Variants in PTPRM observed in about 807,000 individuals in gnomAD.
The protein encoded by PTPRM is protein tyrosine phosphatase receptor type M.
A neutral mutation model predicts 186.7 loss-of-function variants in PTPRM; 47 were observed. The ratio of observed to expected loss-of-function variants is 0.25; its 90% CI spans 0.20 to 0.32. The LOEUF (loss-of-function observed/expected upper bound fraction) is 0.32. Among genes scored for constraint, PTPRM ranks in the 10% least tolerant of loss-of-function variants. PTPRM has a pLI of 1.00. For synonymous variants in PTPRM, 668 were observed against 674.9 expected (o/e 0.99, Z 0.16); for missense variants, 1,494 against 1,865.0 (o/e 0.80, Z 3.66).
chr18:7,952,941 G>A (rs2053069148), intron 6 of PTPRM, among the ~76,000 whole-genome samples: 2 of 152,272 alleles, frequency 1.3e-5, no homozygotes, highest in South Asian at 4.1e-4. Flanking sequence ...GGGAGGCGGA[G>A]GCTGCAGTGA....
intron 11 of PTPRM, 115 bp from the exon 12 acceptor site, chr18:8,113,371 G>T: frequency 1.1e-6 from 1 of 923,916 alleles, no homozygotes; most frequent in East Asian, 2.4e-5. Flanking sequence ...ACTTAGTATG[G>T]ACTGCGTCCA....
intron 2 of PTPRM, among the ~76,000 whole-genome samples, chr18:7,850,311 T>C (rs560258565): frequency 6.6e-6 from 1 of 152,356 alleles, no homozygotes; most frequent in Non-Finnish European, 1.5e-5. Context: ...TAATGGTTAA[T>C]GTGCTTGTTT....
intron 2 of PTPRM, among the ~76,000 whole-genome samples, chr18:7,845,436 A>C (rs905059171): frequency 2.0e-5 from 3 of 152,292 alleles, no homozygotes; most frequent in African/African-American, 7.2e-5. Flanking sequence ...GAAGCAGTGT[A>C]ACCATACTAG....
intron 32 of PTPRM, 54 bp downstream of exon 32, chr18:8,394,665 C>A: frequency 6.8e-7 from 1 of 1,474,308 alleles, no homozygotes; most frequent in East Asian, 2.5e-5. Context: ...CATTAGAATC[C>A]ACTCCAGCTC....
intron 20 of PTPRM, among the ~76,000 whole-genome samples, chr18:8,309,495 A>G (rs1456270931): frequency 6.6e-6 from 1 of 152,128 alleles, no homozygotes; most frequent in Non-Finnish European, 1.5e-5. Flanking sequence ...AGATGAATAT[A>G]AGACACAGCT....
At position 7,767,220 on chromosome 18, in the gene PTPRM, A is replaced by G. The variant is rs137999830; in HGVS notation, c.74-6929A>G. On this transcript the variant is annotated intron_variant, in intron 1 of 32. Coordinates refer to ENST00000580170, the MANE Select transcript of PTPRM (RefSeq NM_001105244.2). The stretch of plus-strand genomic sequence containing the variant: ...TCTCACCCCAAAACCTTAAGAATAC[A>G]AGTAGCAATCTTGAAGGATCTTGAA... Among the ~76,000 whole-genome samples the G allele has an allele frequency of 9.6e-4, 146 of 152,326 alleles. 1 individual carries two copies. Among genetic ancestry groups the G allele is most frequent in the African/African-American group, 3.5e-3 (144 of 41,578 alleles).
intron 1 of PTPRM, among the ~76,000 whole-genome samples, chr18:7,722,450 A>G (rs1348359652): frequency 1.3e-5 from 2 of 152,202 alleles, no homozygotes; most frequent in African/African-American, 4.8e-5. Flanking sequence ...CATAAAATCC[A>G]GATGGGTCAG....
chr18:8,270,271 C>T lies in PTPRM; in HGVS notation c.2754+16857C>T, dbSNP rs757298184. 16 of 151,362 alleles carry T rather than the reference C, an allele frequency of 1.1e-4. 1 individual carries two copies. The highest frequency in any genetic ancestry group is 1.5e-5 in the Non-Finnish European group (1 of 67,768). The allele number at this position is 151,362 out of a possible 1,614,324, so 9.4% of individuals were successfully genotyped here. A position where few individuals can be genotyped will look rare whatever the true frequency, so the allele number is the denominator to read the frequency against. On this transcript the variant is annotated intron_variant, in intron 19 of 32. Transcript: ENST00000580170. ...AAAATCCTTAAGAATGAGCAAATAA[C>T]CTGATACATTTTTCCAAGGAAGATA...
rs574166904 is a variant in PTPRM at position 8,134,591 on chromosome 18, C to T, written c.2168-9056C>T. Reference sequence around the variant, plus strand: ...CCAGGATTATGTGCATGCCATTACTCTCATACATTTCAGAATTGTATTGAT... The same window carrying T: ...CCAGGATTATGTGCATGCCATTACTTTCATACATTTCAGAATTGTATTGAT... On this transcript the variant is annotated intron_variant, in intron 13 of 32. Coordinates refer to ENST00000580170, the MANE Select transcript of PTPRM (RefSeq NM_001105244.2). Among the ~76,000 whole-genome samples the T allele has an allele frequency of 7.9e-5, 12 of 152,294 alleles. No homozygotes were observed. The South Asian group carries it at 2.3e-3, about 29-fold the overall frequency.
intron 11 of PTPRM, among the ~76,000 whole-genome samples, chr18:8,105,499 T>A (rs550872626): frequency 1.3e-3 from 193 of 152,374 alleles, no homozygotes; most frequent in Middle Eastern, 0.01. Flanking sequence ...TAGATGTATT[T>A]GAGCTTTTAT....
rs141796546 is a variant in PTPRM, at chr18:7,704,376, C to T, written c.74-69773C>T. Among the ~76,000 whole-genome samples, 804 of 152,146 alleles carry T rather than the reference C, an allele frequency of 5.3e-3. 9 individuals are homozygous for T. The highest frequency in any genetic ancestry group is 0.018 in the African/African-American group (758 of 41,496). ...CTTGTTATTGGTCTATTCAGGGATT[C>T]GACTTCTTCCTGGTTTAGTCTTGGG... On this transcript the variant is annotated intron_variant, in intron 1 of 32. Coordinates refer to ENST00000580170, the MANE Select transcript of PTPRM (RefSeq NM_001105244.2).
intron 2 of PTPRM, among the ~76,000 whole-genome samples, chr18:7,857,903 C>T (rs17558693): frequency 0.021 from 3,260 of 152,098 alleles, 53 homozygotes; most frequent in Admixed American, 0.033. Context: ...ATGATGGAAC[C>T]CTGAAAAAGT....
chr18:8,371,310 G>C (rs1019239190), intron 24 of PTPRM, among the ~76,000 whole-genome samples: 1 of 152,190 alleles, frequency 6.6e-6, no homozygotes, highest in Non-Finnish European at 1.5e-5. Flanking sequence ...TTTGTTCACA[G>C]AACAAAGTTT....
intron 1 of PTPRM, among the ~76,000 whole-genome samples, chr18:7,572,481 A>G (rs182115538): frequency 6.6e-6 from 1 of 152,318 alleles, no homozygotes; most frequent in East Asian, 1.9e-4. Flanking sequence ...TATTCTAGGA[A>G]TTGTGAGGCT....
intron 7 of PTPRM, among the ~76,000 whole-genome samples, chr18:7,956,863 G>A (rs2053346054): frequency 6.6e-6 from 1 of 152,230 alleles, no homozygotes; most frequent in Non-Finnish European, 1.5e-5. Flanking sequence ...GATAGGCATT[G>A]CTTTCAAATC....
At chr18:8,381,556 G>A (rs879378275) in intron 29 of PTPRM, among the ~76,000 whole-genome samples, 8 of 152,180 alleles carry the variant, frequency 5.3e-5, no homozygotes, top group Non-Finnish European at 1.2e-4. Flanking sequence ...CTGAAAGCTG[G>A]TTAATGAAAT....
At chr18:8,057,259 A>G (rs907716451) in intron 7 of PTPRM, among the ~76,000 whole-genome samples, 2 of 152,000 alleles carry the variant, frequency 1.3e-5, no homozygotes, top group Non-Finnish European at 2.9e-5. Flanking sequence ...ATAAAATGTT[A>G]ACATTTGATA....
At chr18:7,780,627 G>A (rs56232272) in intron 2 of PTPRM, among the ~76,000 whole-genome samples, 8,797 of 152,204 alleles carry the variant, frequency 0.058, 331 homozygotes, top group Middle Eastern at 0.2. Context: ...TATGGGCCTG[G>A]CTATAGGTGC....
At chr18:8,119,485 A>T (rs1236431094) in intron 13 of PTPRM, among the ~76,000 whole-genome samples, 1 of 152,214 alleles carries the variant, frequency 6.6e-6, no homozygotes, top group Non-Finnish European at 1.5e-5. Flanking sequence ...GACCACTCAT[A>T]TATGCTAATC....
Sources: allele counts gnomAD v4.1 joint callset (sites outside exome capture counted in the v4.1 genomes callset), GRCh38; gene constraint gnomAD v4.1.1; transcripts MANE v1.5; gene names NCBI Gene and HGNC (gene_info 2026-07-23, HGNC 2026-07-21).